The following SLC7A1 variants were observed in gnomAD, a reference collection of about 807,000 sequenced individuals.
SLC7A1 encodes the protein high affinity cationic amino acid transporter 1.
Under a neutral mutation model 53.9 loss-of-function variants are expected in SLC7A1, and 10 were observed. That is an observed-to-expected ratio of 0.19 (90% CI 0.11 to 0.31). The LOEUF is 0.31. Ranked by LOEUF, SLC7A1 falls within the 10% of genes least tolerant of loss-of-function variation. SLC7A1 has a pLI of 1.00. For synonymous variants in SLC7A1, 342 were observed against 338.7 expected, an observed-to-expected ratio of 1.01 and a Z score of -0.11; for missense variants, 525 against 827.2, an observed-to-expected ratio of 0.63 and a Z score of 4.48.
Position 29,554,148 on chromosome 13 carries a change from C to T in SLC7A1, c.-114-288G>A, listed in dbSNP as rs145137749. ...TATTTCAAAGAGGAAGATAGAAAAGCGTCACACCGGCAATTTCCACAAATC... is the reference window on the plus strand; with the variant it reads ...TATTTCAAAGAGGAAGATAGAAAAGTGTCACACCGGCAATTTCCACAAATC... On this transcript the variant is annotated intron_variant, in intron 1 of 12. Coordinates refer to ENST00000380752, the MANE Select transcript of SLC7A1 (RefSeq NM_003045.5). Among the ~76,000 whole-genome samples the T allele has an allele frequency of 3.9e-5, 6 of 152,304 alleles. No homozygotes were observed. In the East Asian group the frequency reaches 7.7e-4, roughly 20 times the overall value.
At chr13:29,571,539 G>T (rs985664877) in intron 1 of SLC7A1, among the ~76,000 whole-genome samples, 2 of 150,786 alleles carry the variant, frequency 1.3e-5, no homozygotes, top group Non-Finnish European at 3.0e-5. Flanking sequence ...CTGCCGGGGG[G>T]TCCTCACTCA....
At chr13:29,538,411 T>C (rs747535201) in intron 2 of SLC7A1, among the ~76,000 whole-genome samples, 3 of 152,162 alleles carry the variant, frequency 2.0e-5, no homozygotes, top group Non-Finnish European at 2.9e-5. Flanking sequence ...AGCAGAGAGA[T>C]GGATGGCTTC....
chr13:29,524,055 A>C, intron 6 of SLC7A1, 77 bp downstream of exon 6: 1 of 1,457,604 alleles, frequency 6.9e-7, no homozygotes, highest in Non-Finnish European at 9.6e-7. Context: ...CGTGCCAGCA[A>C]GGAGGGAAAT....
At position 29,514,180 on chromosome 13, in the gene SLC7A1, G is replaced by A; in HGVS notation, c.*300C>T. The A allele has an allele frequency of 2.5e-6, 1 of 393,366 alleles. No homozygotes were observed. The highest frequency in any genetic ancestry group is 4.7e-6 in the Non-Finnish European group (1 of 214,588). The allele number at this position is 393,366 out of a possible 1,614,324, so 24.4% of individuals were successfully genotyped here. On this transcript the variant is annotated 3_prime_UTR_variant, in exon 13 of 13. Transcript: ENST00000380752. ...CTCCGTTCTGCCTGAGGCTGCGGCA[G>A]CTCGGGGCTGAGCTGGTAGGGGAGG...
chr13:29,571,890 C>T lies in SLC7A1; in HGVS notation c.-114-18030G>A, dbSNP rs567346662. 2.0e-3 allele frequency among the ~76,000 whole-genome samples: 309 copies of T among 152,308 alleles called. 2 individuals carry two copies. Among genetic ancestry groups the T allele is most frequent in the African/African-American group, 7.3e-3 (303 of 41,576 alleles). On this transcript the variant is annotated intron_variant, in intron 1 of 12. Transcript: ENST00000380752. ...CATTTCAAGGGCATTTTTTGTTTTG[C>T]TCATCCCCTCCAACCTGCTTGTATT...
chr13:29,519,621 G>T, intron 8 of SLC7A1, 72 bp from the exon 9 acceptor site: 1 of 936,876 alleles, frequency 1.1e-6, no homozygotes, highest in Non-Finnish European at 1.7e-6. Context: ...CACCACTGCC[G>T]CCCACCATCC....
intron 1 of SLC7A1, among the ~76,000 whole-genome samples, chr13:29,572,198 T>C (rs1871226643): frequency 6.6e-6 from 1 of 152,240 alleles, no homozygotes; most frequent in Non-Finnish European, 1.5e-5. Context: ...CGACACGCTG[T>C]CTAGGCCATC....
At chr13:29,577,008 T>C (rs531180274) in intron 1 of SLC7A1, among the ~76,000 whole-genome samples, 3 of 152,336 alleles carry the variant, frequency 2.0e-5, no homozygotes, top group African/African-American at 7.2e-5. Context: ...GTTGTCTTTT[T>C]TTAATCACCT....
intron 1 of SLC7A1, among the ~76,000 whole-genome samples, chr13:29,575,135 C>G (rs1871358226): frequency 6.6e-6 from 1 of 152,186 alleles, no homozygotes; most frequent in African/African-American, 2.4e-5. Flanking sequence ...TAAACTCAAG[C>G]TAATCTTGTT....
chr13:29,592,167 A>G (rs1202054868), intron 1 of SLC7A1, among the ~76,000 whole-genome samples: 1 of 152,094 alleles, frequency 6.6e-6, no homozygotes, highest in Non-Finnish European at 1.5e-5. Context: ...CCCATTCTGC[A>G]TTGAAGCTGT....
chr13:29,533,729 C>T (rs1378908820), intron 3 of SLC7A1, among the ~76,000 whole-genome samples: 3 of 152,190 alleles, frequency 2.0e-5, no homozygotes, highest in Non-Finnish European at 4.4e-5. Flanking sequence ...ACTCAAAATG[C>T]CAACAATAGT....
At chr13:29,587,109 T>C (rs992689832) in intron 1 of SLC7A1, among the ~76,000 whole-genome samples, 1 of 152,206 alleles carries the variant, frequency 6.6e-6, no homozygotes, top group Non-Finnish European at 1.5e-5. Context: ...CTCAAGGCTT[T>C]TGATCATGAC....
At chr13:29,579,417 G>A (rs1035374282) in intron 1 of SLC7A1, among the ~76,000 whole-genome samples, 11 of 151,064 alleles carry the variant, frequency 7.3e-5, no homozygotes, top group African/African-American at 2.7e-4. Context: ...CTGGAATGCA[G>A]TGTTGCAATC....
intron 7 of SLC7A1, among the ~76,000 whole-genome samples, chr13:29,523,016 C>G (rs1868702136): frequency 6.6e-6 from 1 of 152,200 alleles, no homozygotes; most frequent in African/African-American, 2.4e-5. Flanking sequence ...GAACCAGTCC[C>G]TTGCTAAGCA....
chr13:29,532,985 G>A lies in SLC7A1; in HGVS notation c.371-3C>T. 1 of 1,611,522 alleles carries A rather than the reference G, an allele frequency of 6.2e-7. No individual in the cohort carries two copies. The highest frequency in any genetic ancestry group is 8.5e-7 in the Non-Finnish European group (1 of 1,178,806). On this transcript the variant is annotated splice_polypyrimidine_tract_variant and splice_region_variant and intron_variant, in intron 3 of 12. Coordinates refer to ENST00000380752, the MANE Select transcript of SLC7A1 (RefSeq NM_003045.5). ...GGCCCTCGCTACGCTTGAAGTACCT[G>A]CCACAAAGCACACACAACAGAGGAG...
chr13:29,543,111 G>T (rs1047177724), intron 2 of SLC7A1, among the ~76,000 whole-genome samples: 1 of 152,216 alleles, frequency 6.6e-6, no homozygotes, highest in African/African-American at 2.4e-5. Flanking sequence ...GGAAAGCACA[G>T]AGTGGTGGGG....
At chr13:29,560,226 T>C (rs1487988339) in intron 1 of SLC7A1, among the ~76,000 whole-genome samples, 1 of 152,056 alleles carries the variant, frequency 6.6e-6, no homozygotes, top group Non-Finnish European at 1.5e-5. Flanking sequence ...GGATGATCAA[T>C]GTCACTGTCT....
chr13:29,544,503 G>A (rs934745105), intron 2 of SLC7A1, among the ~76,000 whole-genome samples: 2 of 152,130 alleles, frequency 1.3e-5, no homozygotes, highest in African/African-American at 4.8e-5. Flanking sequence ...GCAATACTTT[G>A]CATTCTAGAG....
rs1883358509 is a variant in SLC7A1, at chr13:29,510,535, A to C, written c.*3945T>G. The C allele has an allele frequency of 6.6e-6, 1 of 152,216 alleles. No homozygotes were observed. Among genetic ancestry groups the C allele is most frequent in the Non-Finnish European group, 1.5e-5 (1 of 68,024 alleles). The allele number at this position is 152,216 out of a possible 1,614,324, so 9.4% of individuals were successfully genotyped here. A position where few individuals can be genotyped will look rare whatever the true frequency, so the allele number is the denominator to read the frequency against. ...TTTAAATTACACGTAACAATTATAC[A>C]TAGTGTATATCCAGATCCGTCTGCA... On this transcript the variant is annotated 3_prime_UTR_variant, in exon 13 of 13. Coordinates refer to ENST00000380752, the MANE Select transcript of SLC7A1 (RefSeq NM_003045.5).
Sources: gnomAD v4.1 joint callset for allele counts (sites outside exome capture counted in the v4.1 genomes callset) on GRCh38, gnomAD v4.1.1 for gene constraint, MANE v1.5 for transcripts, NCBI Gene and HGNC (gene_info 2026-07-23, HGNC 2026-07-21) for gene names.